The following HDAC8 variants were observed in gnomAD, a reference collection of about 807,000 sequenced individuals.
HDAC8 encodes the protein histone deacetylase-like 1.
In HDAC8, 1 loss-of-function variant was observed where a neutral mutation model predicts 32.2. The observed-to-expected ratio is 0.03, with a 90% confidence interval of 0.01 to 0.15. The LOEUF (loss-of-function observed/expected upper bound fraction) is 0.15, where lower values mean the gene tolerates loss of function less well. HDAC8 is among the 10% of genes least tolerant of loss of function. The pLI, the probability that HDAC8 is intolerant of heterozygous loss-of-function variation, is 1.00. For missense variants in HDAC8, 117 were observed against 300.0 expected, an observed-to-expected ratio of 0.39 and a Z score of 4.51; for synonymous variants, 108 against 113.9, an observed-to-expected ratio of 0.95 and a Z score of 0.33.
At chrX:72,505,979 G>A (rs1468005566) in intron 4 of HDAC8, among the ~76,000 whole-genome samples, 2 of 111,445 alleles carry the variant, frequency 1.8e-5, no homozygotes, top group African/African-American at 6.5e-5. Context: ...CCTCCCACCT[G>A]ACTCAGAGTC....
intron 4 of HDAC8, among the ~76,000 whole-genome samples, chrX:72,559,306 G>A (rs1287427111): frequency 1.8e-5 from 2 of 109,043 alleles, no homozygotes; most frequent in African/African-American, 6.7e-5. Flanking sequence ...TCCTAACCGC[G>A]AGTGATCTGC....
chrX:72,371,373 A>G (rs1222404262), intron 9 of HDAC8, among the ~76,000 whole-genome samples: 1 of 111,980 alleles, frequency 8.9e-6, no homozygotes, highest in Non-Finnish European at 1.9e-5. Context: ...ATTAGTGAAA[A>G]TTAGTTTGAG....
rs782501389 is a variant in HDAC8 at position 72,382,616 on chromosome X, G to T, written c.1006-30778C>A. ...ACATGGATGACCCTTTAAAACATTC[G>T]GTTAAATGAAAGAAGCCAGTGATAA... On this transcript the variant is annotated intron_variant, in intron 9 of 10. Transcript: ENST00000373573. Among the ~76,000 whole-genome samples the T allele has an allele frequency of 5.3e-5, 6 of 112,165 alleles. No individual in the cohort carries two copies. In the South Asian group the frequency reaches 2.2e-3, roughly 41 times the overall value.
Position 72,572,672 on chromosome X carries a change from G to C in HDAC8, c.90C>G (p.Ser30=), listed in dbSNP as rs1289131468. Reference sequence around the variant, plus strand: ...TTACCCGTTTGGGGATCTTGGCCAGGGAGTCACACATACTGACATACTCGG... The same window carrying C: ...TTACCCGTTTGGGGATCTTGGCCAGCGAGTCACACATACTGACATACTCGG... ...YSPEYVSMCD[S]LAKIPKRASM... Residue 30 remains serine (S), a synonymous_variant, in exon 1 of 11, where the codon TCC becomes TCG. Transcript: ENST00000373573. The C allele has an allele frequency of 2.5e-6, 3 of 1,178,807 alleles. No individual in the cohort carries two copies. Among genetic ancestry groups the C allele is most frequent in the Non-Finnish European group, 3.4e-6 (3 of 878,074 alleles).
intron 4 of HDAC8, among the ~76,000 whole-genome samples, chrX:72,553,220 A>G (rs1165115560): frequency 1.8e-5 from 2 of 110,467 alleles, no homozygotes; most frequent in Non-Finnish European, 3.8e-5. Context: ...AATGTTTTGT[A>G]TTTTTAGTAG....
At chrX:72,440,887 C>T in intron 9 of HDAC8, among the ~76,000 whole-genome samples, 1 of 112,926 alleles carries the variant, frequency 8.9e-6, no homozygotes, top group South Asian at 3.7e-4. Flanking sequence ...TTATATCCCG[C>T]ACCTGGCTTG....
Position 72,547,002 on chromosome X carries a change from C to G in HDAC8, c.437+20887G>C, listed in dbSNP as rs967651338. 1.2e-4 allele frequency among the ~76,000 whole-genome samples: 13 copies of G among 111,200 alleles called. No homozygotes were observed. In the Admixed American group the frequency reaches 1.2e-3, roughly 11 times the overall value. On this transcript the variant is annotated intron_variant, in intron 4 of 10. Transcript: ENST00000373573. ...CTTAAAACAATACCAACAAACCACCCCTCAACCCTTACTTTCCCTTGACCA... is the reference window on the plus strand; with the variant it reads ...CTTAAAACAATACCAACAAACCACCGCTCAACCCTTACTTTCCCTTGACCA...
At position 72,374,810 on chromosome X, in the gene HDAC8, C is replaced by CT. The variant is rs782179373; in HGVS notation, c.1006-22973dup. 6.0e-3 allele frequency among the ~76,000 whole-genome samples: 590 copies of CT among 97,755 alleles called. 4 individuals carry two copies. The highest frequency in any genetic ancestry group is 0.016 in the African/African-American group (440 of 27,014). 84.9% of individuals were successfully genotyped at this position (97,755 alleles called of 115,157 possible). On this transcript the variant is annotated intron_variant, in intron 9 of 10. Transcript: ENST00000373573. ...TTCTTTTTCTTTTCTTTCTTTCTTT[C>CT]TTTTTTTTTTTTTTGGAGACAGGGT... is the stretch of plus-strand genomic sequence containing the variant.
At chrX:72,410,807 TCA>T (rs1203197086) in intron 9 of HDAC8, among the ~76,000 whole-genome samples, 2 of 110,900 alleles carry the variant, frequency 1.8e-5, no homozygotes, top group African/African-American at 6.6e-5. Context: ...TTGAAAAATC[TCA>T]GTTAGATTAT....
chrX:72,391,469 T>C (rs781892874), intron 9 of HDAC8, among the ~76,000 whole-genome samples: 1 of 112,575 alleles, frequency 8.9e-6, no homozygotes, highest in East Asian at 2.8e-4. Flanking sequence ...GCCTGCTATA[T>C]GTGCAAGGCA....
intron 9 of HDAC8, among the ~76,000 whole-genome samples, chrX:72,440,725 C>T (rs782541853): frequency 6.3e-5 from 7 of 111,902 alleles, no homozygotes; most frequent in East Asian, 5.7e-4. Flanking sequence ...CGAAGCAGGG[C>T]GAGGCATTGC....
intron 4 of HDAC8, among the ~76,000 whole-genome samples, chrX:72,524,947 G>A (rs1271351579): frequency 1.8e-5 from 2 of 111,686 alleles, no homozygotes; most frequent in African/African-American, 3.3e-5. Flanking sequence ...GGCTGGTTTC[G>A]TGGAAGACAA....
chrX:72,500,548 C>T (rs1373120871), intron 4 of HDAC8, among the ~76,000 whole-genome samples: 12 of 111,571 alleles, frequency 1.1e-4, no homozygotes, highest in Admixed American at 7.6e-4. Flanking sequence ...TCTCAATAGA[C>T]GCAGAAAAGG....
At chrX:72,404,252 G>T (rs1400647659) in intron 9 of HDAC8, among the ~76,000 whole-genome samples, 6 of 110,868 alleles carry the variant, frequency 5.4e-5, no homozygotes, top group Non-Finnish European at 1.1e-4. Flanking sequence ...CAGTTTGGAA[G>T]ATACTCATTC....
chrX:72,336,483 C>G (rs1445712678), intron 10 of HDAC8, among the ~76,000 whole-genome samples: 2 of 112,810 alleles, frequency 1.8e-5, no homozygotes, highest in Non-Finnish European at 3.7e-5. Context: ...CATAACCCCA[C>G]TGCAATAGGC....
intron 9 of HDAC8, among the ~76,000 whole-genome samples, chrX:72,431,870 T>A (rs1423797891): frequency 8.9e-6 from 1 of 112,402 alleles, no homozygotes; most frequent in Admixed American, 9.4e-5. Flanking sequence ...GGGCTTTATA[T>A]GTATTACAAG....
intron 7 of HDAC8, among the ~76,000 whole-genome samples, chrX:72,487,489 A>T (rs898160181): frequency 1.7e-4 from 19 of 111,093 alleles, no homozygotes; most frequent in African/African-American, 5.9e-4. Flanking sequence ...AGAAGATCTC[A>T]GGAGGTTTTA....
At chrX:72,470,739 T>C (rs1454537250) in intron 7 of HDAC8, among the ~76,000 whole-genome samples, 1 of 111,881 alleles carries the variant, frequency 8.9e-6, no homozygotes, top group Non-Finnish European at 1.9e-5. Flanking sequence ...CTGTTATCTT[T>C]TTCAAACTTC....
At chrX:72,446,058 G>C (rs782279751) in intron 9 of HDAC8, among the ~76,000 whole-genome samples, 138 of 112,155 alleles carry the variant, frequency 1.2e-3, no homozygotes, top group Non-Finnish European at 2.0e-3. Flanking sequence ...AGGATGTGGA[G>C]AAATAGGAAC....
Sources: gnomAD v4.1 joint callset for allele counts (sites outside exome capture counted in the v4.1 genomes callset) on GRCh38, gnomAD v4.1.1 for gene constraint, MANE v1.5 for transcripts, NCBI Gene and HGNC (gene_info 2026-07-23, HGNC 2026-07-21) for gene names.